ESR1: variants seen among roughly 807,000 people sequenced by gnomAD.
ESR1 encodes estrogen receptor.
Under a neutral mutation model 52.7 loss-of-function variants are expected in ESR1, and 12 were observed. The observed-to-expected ratio is 0.23, with a 90% CI of 0.15 to 0.37. The LOEUF (loss-of-function observed/expected upper bound fraction) is 0.37. Ranked by LOEUF, ESR1 falls within the 10% of genes least tolerant of loss-of-function variation. The pLI, the probability that ESR1 is intolerant of heterozygous loss-of-function variation, is 1.00. For missense variants in ESR1, 584 were observed against 779.7 expected (o/e 0.75, Z 2.99); for synonymous variants, 305 against 316.8 (o/e 0.96, Z 0.39).
intron 1 of ESR1, among the ~76,000 whole-genome samples, chr6:151,692,682 A>C (rs1258759495): frequency 1.3e-5 from 2 of 152,184 alleles, no homozygotes; most frequent in Non-Finnish European, 2.9e-5. Context: ...AAAGGCGTGC[A>C]CTGTACAGGT....
chr6:152,018,056 G>A (rs1424690757), intron 5 of ESR1, among the ~76,000 whole-genome samples: 1 of 152,090 alleles, frequency 6.6e-6, no homozygotes, highest in Non-Finnish European at 1.5e-5. Flanking sequence ...CCTGCATCAG[G>A]AGGCTCTGCC....
chr6:151,943,904 C>T (rs538470245), intron 3 of ESR1, among the ~76,000 whole-genome samples: 2 of 152,240 alleles, frequency 1.3e-5, no homozygotes, highest in South Asian at 4.1e-4. Flanking sequence ...TGATGTCAGA[C>T]AAGTGGCCTG....
At position 151,944,113 on chromosome 6, in the gene ESR1, T is replaced by A. The variant is rs1584383208; in HGVS notation, c.761-60T>A. ...AAGCTGGTTAGCTTTGAAAATTTTT[T>A]GTATAAAAGTTTACACGGGAAAAAA... On this transcript the variant is annotated intron_variant, in intron 3 of 7. Coordinates refer to ENST00000206249, the MANE Select transcript of ESR1 (RefSeq NM_000125.4). The A allele has an allele frequency of 2.0e-6, 3 of 1,477,256 alleles. No individual in the cohort carries two copies. The East Asian group carries it at 6.8e-5, about 34-fold the overall frequency. 91.5% of individuals were successfully genotyped at this position (1,477,256 alleles called of 1,614,324 possible).
intron 2 of ESR1, among the ~76,000 whole-genome samples, chr6:151,746,483 C>T (rs1455309263): frequency 3.3e-5 from 5 of 152,098 alleles, no homozygotes; most frequent in South Asian, 2.1e-4. Context: ...AAAAGTCAAA[C>T]CTTTTTAATA....
chr6:151,777,359 T>A (rs112305505), intron 2 of ESR1, among the ~76,000 whole-genome samples: 4 of 152,034 alleles, frequency 2.6e-5, no homozygotes, highest in African/African-American at 9.7e-5. Context: ...CCTCAAGTGA[T>A]CTGCCCACCT....
intron 1 of ESR1, among the ~76,000 whole-genome samples, chr6:151,669,193 GA>G (rs1777958664): frequency 2.0e-5 from 1 of 49,062 alleles, no homozygotes; most frequent in Non-Finnish European, 4.1e-5. Context: ...AGAGAGATGG[GA>G]ATCCAGGGGA....
At chr6:152,124,712 T>C (rs2052736645) in intron 6 of ESR1, among the ~76,000 whole-genome samples, 1 of 152,108 alleles carries the variant, frequency 6.6e-6, no homozygotes. Context: ...AAGTATATTT[T>C]GTGAAAATAT....
intron 4 of ESR1, among the ~76,000 whole-genome samples, chr6:151,958,608 G>A (rs530152608): frequency 1.3e-5 from 2 of 152,246 alleles, no homozygotes; most frequent in South Asian, 4.2e-4. Context: ...TCATTCAAAC[G>A]ATTTGACTGT....
At chr6:151,819,016 T>A (rs2128185467) in intron 1 of ESR1, among the ~76,000 whole-genome samples, 1 of 152,312 alleles carries the variant, frequency 6.6e-6, no homozygotes, top group East Asian at 1.9e-4. Context: ...AAGAAGCTCT[T>A]GTTGAAAGAG....
At chr6:152,045,556 A>G (rs982841889) in intron 5 of ESR1, among the ~76,000 whole-genome samples, 1 of 152,162 alleles carries the variant, frequency 6.6e-6, no homozygotes, top group African/African-American at 2.4e-5. Flanking sequence ...GCCTAGTCAC[A>G]TAATCTCTGT....
chr6:151,874,053 CTCT>C (rs1791419361), intron 2 of ESR1, among the ~76,000 whole-genome samples: 1 of 152,042 alleles, frequency 6.6e-6, no homozygotes, highest in African/African-American at 2.4e-5. Flanking sequence ...CTAAAATTGG[CTCT>C]TATTTGATGT....
chr6:151,852,789 C>T (rs982096809), intron 2 of ESR1, among the ~76,000 whole-genome samples: 1 of 151,974 alleles, frequency 6.6e-6, no homozygotes, highest in Admixed American at 6.6e-5. Flanking sequence ...ACAGAAATGA[C>T]TATGGAGGCT....
At chr6:152,071,103 C>G (rs2128986112) in intron 6 of ESR1, among the ~76,000 whole-genome samples, 1 of 152,216 alleles carries the variant, frequency 6.6e-6, no homozygotes, top group East Asian at 1.9e-4. Flanking sequence ...ATAGGGACTG[C>G]TCCCTGAAAC....
intron 1 of ESR1, among the ~76,000 whole-genome samples, chr6:151,818,614 A>G (rs997290556): frequency 2.0e-5 from 3 of 152,078 alleles, no homozygotes; most frequent in Non-Finnish European, 4.4e-5. Flanking sequence ...ATTTTCTAGG[A>G]CATCTTAAAA....
intron 1 of ESR1, among the ~76,000 whole-genome samples, chr6:151,693,242 T>A (rs1459961480): frequency 2.0e-5 from 3 of 152,236 alleles, no homozygotes; most frequent in Non-Finnish European, 4.4e-5. Flanking sequence ...ACTCAATACA[T>A]GTTGGTTGAA....
At chr6:151,884,001 A>C (rs1003624887) in intron 3 of ESR1, among the ~76,000 whole-genome samples, 4 of 152,092 alleles carry the variant, frequency 2.6e-5, no homozygotes, top group Admixed American at 1.3e-4. Context: ...GTAAGATTTC[A>C]ACATATGAGT....
intron 1 of ESR1, among the ~76,000 whole-genome samples, chr6:151,819,494 C>T (rs1335303514): frequency 1.3e-5 from 2 of 152,100 alleles, no homozygotes; most frequent in African/African-American, 2.4e-5. Flanking sequence ...GTCAGATCAG[C>T]GGTAGCATTA....
chr6:151,689,325 G>T (rs180858098), upstream of ESR1, among the ~76,000 whole-genome samples: 64 of 152,278 alleles, frequency 4.2e-4, 1 homozygote, highest in Admixed American at 1.8e-3. Flanking sequence ...CAATAAAAAT[G>T]CTTACAGAAC....
intron 3 of ESR1, among the ~76,000 whole-genome samples, chr6:151,928,004 G>T (rs919500143): frequency 6.6e-6 from 1 of 152,074 alleles, no homozygotes; most frequent in African/African-American, 2.4e-5. Context: ...GATTACAGGC[G>T]TGAGCCACCG....
Sources: gnomAD v4.1 joint callset for allele counts (sites outside exome capture counted in the v4.1 genomes callset) on GRCh38, gnomAD v4.1.1 for gene constraint, MANE v1.5 for transcripts, NCBI Gene and HGNC (gene_info 2026-07-23, HGNC 2026-07-21) for gene names.